RFPL1: variants seen among roughly 807,000 people sequenced by gnomAD.
The protein encoded by RFPL1 is ret finger protein-like 1.
RFPL1 carries 6 observed loss-of-function variants against 9.6 expected under a neutral mutation model. The ratio of observed to expected loss-of-function variants is 0.62; its 90% CI spans 0.34 to 1.23. The LOEUF (loss-of-function observed/expected upper bound fraction) is 1.23, where lower values mean the gene tolerates loss of function less well. Ranked by LOEUF, RFPL1 falls within the 50% of genes most tolerant of loss-of-function variation. The pLI is 0.03. For synonymous variants in RFPL1, 145 were observed against 149.4 expected, an observed-to-expected ratio of 0.97 and a Z score of 0.22; for missense variants, 352 against 398.4, an observed-to-expected ratio of 0.88 and a Z score of 0.99.
the RFPL1 span, among the ~76,000 whole-genome samples, chr22:29,427,570 G>T: frequency 2.6e-5 from 4 of 152,170 alleles, no homozygotes; most frequent in Admixed American, 2.6e-4. Flanking sequence ...AACAGCTTGT[G>T]ATTCTCCCTT....
the RFPL1 span, among the ~76,000 whole-genome samples, chr22:29,395,556 G>T: frequency 1.3e-5 from 2 of 152,110 alleles, no homozygotes; most frequent in African/African-American, 4.8e-5. Flanking sequence ...ACCATTTCTA[G>T]TCTTCCCAGT....
At chr22:29,437,600 G>A (rs1222448099), upstream of RFPL1, 6 of 1,578,408 alleles carry the variant, frequency 3.8e-6, no homozygotes, top group Non-Finnish European at 5.2e-6. Flanking sequence ...TTAGGTTAGA[G>A]GGTGTGGAAG....
the RFPL1 span, among the ~76,000 whole-genome samples, chr22:29,401,005 C>T: frequency 1.3e-5 from 2 of 152,208 alleles, no homozygotes; most frequent in South Asian, 2.1e-4. Context: ...TTGACTCTCA[C>T]TTTTCACTTT....
the RFPL1 span, chr22:29,423,124 C>T: frequency 1.3e-6 from 2 of 1,488,344 alleles, no homozygotes; most frequent in South Asian, 1.1e-5. Context: ...ACAAGTAATA[C>T]CTTTCTTGGT....
the RFPL1 span, among the ~76,000 whole-genome samples, chr22:29,421,846 C>T: frequency 3.3e-5 from 5 of 152,018 alleles, no homozygotes; most frequent in Non-Finnish European, 5.9e-5. Context: ...GACTGTCTTC[C>T]CTGCTCAACC....
chr22:29,441,373 A>G (rs1311269362), intron 1 of RFPL1, 169 bp from the exon 2 acceptor site: 17 of 719,414 alleles, frequency 2.4e-5, no homozygotes, highest in Non-Finnish European at 3.9e-5. Context: ...AAGCATACCT[A>G]TGAGAATTTG....
the RFPL1 span, among the ~76,000 whole-genome samples, chr22:29,425,190 C>T: frequency 7.3e-6 from 1 of 136,350 alleles, no homozygotes; most frequent in Non-Finnish European, 1.5e-5. Flanking sequence ...GGCGACGGAG[C>T]GAGACTCCGT....
chr22:29,392,378 CTTTTTTTTTT>C, the RFPL1 span, among the ~76,000 whole-genome samples: 410 of 46,254 alleles, frequency 8.9e-3, 8 homozygotes, highest in African/African-American at 0.027. Flanking sequence ...CCACACCTGG[CTTTTTTTTTT>C]TTTTTTTTTT....
upstream of RFPL1, chr22:29,437,252 G>A (rs1842304854): frequency 6.2e-6 from 1 of 161,820 alleles, no homozygotes; most frequent in Admixed American, 6.3e-5. Context: ...TCAATGGAAT[G>A]CATGCCCCTA....
the RFPL1 span, among the ~76,000 whole-genome samples, chr22:29,417,416 T>G: frequency 0.23 from 33,836 of 149,866 alleles, 5,816 homozygotes; most frequent in African/African-American, 0.46. Flanking sequence ...GTCCTTTGCT[T>G]GGGGGGTGAT....
Position 29,439,394 on chromosome 22 carries a change from G to A in RFPL1, c.373+230G>A. ...CATGCCTGTAATGTCAGCACTTTGG[G>A]AGGCCGAGGCGGGTGGATCACGAGG... On this transcript the variant is annotated intron_variant, in intron 1 of 1. Coordinates refer to ENST00000354373, the Ensembl canonical transcript of RFPL1. 4 of 619,934 alleles carry A rather than the reference G, an allele frequency of 6.5e-6. No homozygotes were observed. In the South Asian group the frequency reaches 8.7e-5, roughly 13 times the overall value. 38.4% of individuals were successfully genotyped at this position (619,934 alleles called of 1,614,324 possible).
the RFPL1 span, among the ~76,000 whole-genome samples, chr22:29,426,996 G>C: frequency 1.3e-5 from 2 of 152,214 alleles, no homozygotes; most frequent in African/African-American, 4.8e-5. Flanking sequence ...TCCATGAAAT[G>C]GGGCCAGAAA....
the RFPL1 span, among the ~76,000 whole-genome samples, chr22:29,421,280 C>T: frequency 2.0e-5 from 3 of 152,086 alleles, no homozygotes; most frequent in Non-Finnish European, 4.4e-5. Context: ...ACTAAAAAAC[C>T]CCAACCCCAA....
At chr22:29,415,115 C>A in the RFPL1 span, among the ~76,000 whole-genome samples, 33 of 151,818 alleles carry the variant, frequency 2.2e-4, no homozygotes, top group Non-Finnish European at 3.7e-4. Flanking sequence ...GGTGATCAGG[C>A]CATGCTTCCA....
At chr22:29,404,591 A>G in the RFPL1 span, among the ~76,000 whole-genome samples, 3 of 152,244 alleles carry the variant, frequency 2.0e-5, no homozygotes, top group African/African-American at 7.2e-5. Context: ...AATTTATTAC[A>G]AGGTGCATAT....
chr22:29,397,331 C>T, the RFPL1 span, among the ~76,000 whole-genome samples: 3 of 152,124 alleles, frequency 2.0e-5, no homozygotes. Context: ...TGGGGGGATA[C>T]ACTGATTCAG....
the RFPL1 span, among the ~76,000 whole-genome samples, chr22:29,417,522 C>A: frequency 6.7e-6 from 1 of 148,428 alleles, no homozygotes; most frequent in Non-Finnish European, 1.5e-5. Flanking sequence ...GGGCTGGGCA[C>A]CACGAGGGCA....
chr22:29,400,625 G>A, the RFPL1 span, among the ~76,000 whole-genome samples: 1,901 of 152,180 alleles, frequency 0.012, 35 homozygotes, highest in African/African-American at 0.044. Flanking sequence ...TATGGGGGGG[G>A]AATGAAAGCT....
chr22:29,432,786 T>C, the RFPL1 span, among the ~76,000 whole-genome samples: 118 of 152,358 alleles, frequency 7.7e-4, no homozygotes, highest in Non-Finnish European at 1.2e-3. Context: ...ACTCTTCTTA[T>C]ATGTATTTTA....
Sources: allele counts gnomAD v4.1 joint callset (sites outside exome capture counted in the v4.1 genomes callset), GRCh38; gene constraint gnomAD v4.1.1; transcripts MANE v1.5; gene names NCBI Gene and HGNC (gene_info 2026-07-23, HGNC 2026-07-21).